The following RNF121 variants were observed in gnomAD, a reference collection of about 807,000 sequenced individuals.
The protein encoded by RNF121 is ring finger protein 121.
A neutral mutation model predicts 46.5 loss-of-function variants in RNF121; 21 were observed. The observed-to-expected ratio is 0.45, with a 90% confidence interval of 0.32 to 0.65. The LOEUF is 0.65. RNF121 is among the 30% of genes least tolerant of loss of function. The pLI is 0.04. For missense variants in RNF121, 346 were observed against 416.0 expected (o/e 0.83, Z 1.46); for synonymous variants, 139 against 144.7 (o/e 0.96, Z 0.28).
intron 3 of RNF121, among the ~76,000 whole-genome samples, chr11:71,977,669 G>A (rs1954555939): frequency 1.3e-5 from 2 of 152,188 alleles, no homozygotes; most frequent in African/African-American, 4.8e-5. Flanking sequence ...TGGCTTTTGT[G>A]TTTCTCCTTC....
In RNF121 at chr11:71,932,280, T is replaced by C. The variant is rs1032448886; in HGVS notation, c.63+3156T>C. Among the ~76,000 whole-genome samples, 9 of 152,228 alleles carry C rather than the reference T, an allele frequency of 5.9e-5. No homozygotes were observed. In the East Asian group the frequency reaches 1.7e-3, roughly 29 times the overall value. The stretch of plus-strand genomic sequence containing the variant: ...TCTCATTTATTATTAACAGTAGGCA[T>C]GTGAATTAGATGGAGTTAACCCCAT... On this transcript the variant is annotated intron_variant, in intron 1 of 8. Transcript: ENST00000361756.
At chr11:71,963,319 C>A (rs1954184274) in intron 3 of RNF121, among the ~76,000 whole-genome samples, 1 of 152,060 alleles carries the variant, frequency 6.6e-6, no homozygotes. Context: ...CTTATGTTTT[C>A]TTTGAAGAGT....
chr11:71,979,558 C>T (rs1954601791), intron 3 of RNF121, among the ~76,000 whole-genome samples: 1 of 152,186 alleles, frequency 6.6e-6, no homozygotes, highest in South Asian at 2.1e-4. Flanking sequence ...CAAAACAAAG[C>T]AAGATTTTTC....
chr11:71,950,609 AT>A (rs1423475172), intron 1 of RNF121, among the ~76,000 whole-genome samples: 1 of 151,896 alleles, frequency 6.6e-6, no homozygotes, highest in Non-Finnish European at 1.5e-5. Flanking sequence ...AATTGTTGAT[AT>A]GATTTGGTAG....
intron 1 of RNF121, among the ~76,000 whole-genome samples, chr11:71,934,883 A>T (rs979242291): frequency 5.9e-5 from 9 of 151,506 alleles, no homozygotes; most frequent in Non-Finnish European, 1.3e-4. Context: ...GCTGAGGGTG[A>T]AATAATACAG....
chr11:71,944,320 G>A (rs1050814705), intron 1 of RNF121, among the ~76,000 whole-genome samples: 3 of 152,050 alleles, frequency 2.0e-5, no homozygotes, highest in Non-Finnish European at 2.9e-5. Flanking sequence ...GCAACAGAGC[G>A]AGACTCTGTC....
At position 71,996,748 on chromosome 11, in the gene RNF121, G is replaced by A. The variant is rs897608317; in HGVS notation, c.*433G>A. Reference sequence around the variant, plus strand: ...CTTCCCTGTGTGGGGCTCAAGCCTGGTGCACTTAGTATAGAAGAGCTAACG... The same window carrying A: ...CTTCCCTGTGTGGGGCTCAAGCCTGATGCACTTAGTATAGAAGAGCTAACG... On this transcript the variant is annotated 3_prime_UTR_variant, in exon 9 of 9. Transcript: ENST00000361756. 16 of 184,380 alleles carry A rather than the reference G, an allele frequency of 8.7e-5. No homozygotes were observed. Among genetic ancestry groups the A allele is most frequent in the South Asian group, 2.8e-4 (3 of 10,740 alleles). The allele number at this position is 184,380 out of a possible 1,614,324, so 11.4% of individuals were successfully genotyped here.
intron 2 of RNF121, 33 bp downstream of exon 2, chr11:71,957,297 G>T (rs1266391928): frequency 5.0e-6 from 7 of 1,394,570 alleles, no homozygotes; most frequent in Middle Eastern, 1.8e-4. Flanking sequence ...TGCAGTCTAG[G>T]AACTGCAGGT....
At chr11:71,951,216 A>C (rs954116750) in intron 1 of RNF121, among the ~76,000 whole-genome samples, 2 of 151,734 alleles carry the variant, frequency 1.3e-5, no homozygotes, top group African/African-American at 4.8e-5. Context: ...TCTCAAAAAA[A>C]AAAAAATGCA....
At chr11:71,931,020 G>C (rs1353296380) in intron 1 of RNF121, among the ~76,000 whole-genome samples, 2 of 152,084 alleles carry the variant, frequency 1.3e-5, no homozygotes, top group Admixed American at 6.5e-5. Flanking sequence ...TTTTAGTAGA[G>C]ACAGGGTTTT....
chr11:71,968,888 C>CT (rs10686485), intron 3 of RNF121, among the ~76,000 whole-genome samples: 54,231 of 134,308 alleles, frequency 0.4, 12,477 homozygotes, highest in South Asian at 0.53. Context: ...TTCTTTCTTT[C>CT]TTTTTTTTTT....
At chr11:71,946,744 C>G (rs1953731296) in intron 1 of RNF121, among the ~76,000 whole-genome samples, 1 of 151,208 alleles carries the variant, frequency 6.6e-6, no homozygotes. Context: ...ACAGAATCTC[C>G]CTCTGTTACC....
At chr11:71,958,107 G>A (rs1233787324) in intron 2 of RNF121, among the ~76,000 whole-genome samples, 1 of 152,204 alleles carries the variant, frequency 6.6e-6, no homozygotes, top group African/African-American at 2.4e-5. Flanking sequence ...GAAATATGCT[G>A]TCTGCTGTAA....
chr11:71,991,378 T>C (rs1954860908), intron 6 of RNF121, among the ~76,000 whole-genome samples: 2 of 152,166 alleles, frequency 1.3e-5, no homozygotes, highest in Admixed American at 6.5e-5. Flanking sequence ...TCTAGACACA[T>C]AGCTATATGC....
At chr11:71,963,818 G>C (rs1342826557) in intron 3 of RNF121, among the ~76,000 whole-genome samples, 2 of 152,130 alleles carry the variant, frequency 1.3e-5, no homozygotes, top group Non-Finnish European at 2.9e-5. Context: ...GAAATCAATT[G>C]ATCAAAGATA....
chr11:71,947,507 G>A (rs1953755385), intron 1 of RNF121, among the ~76,000 whole-genome samples: 2 of 150,904 alleles, frequency 1.3e-5, no homozygotes, highest in African/African-American at 4.9e-5. Flanking sequence ...GAATTGGGCA[G>A]TGAAGGAGTG....
intron 3 of RNF121, among the ~76,000 whole-genome samples, chr11:71,964,332 C>T (rs1293276854): frequency 6.6e-6 from 1 of 152,098 alleles, no homozygotes; most frequent in African/African-American, 2.4e-5. Flanking sequence ...TATAGAATTT[C>T]AACTGATCGT....
At chr11:71,971,840 C>T (rs1954427804) in intron 3 of RNF121, among the ~76,000 whole-genome samples, 1 of 152,166 alleles carries the variant, frequency 6.6e-6, no homozygotes, top group Non-Finnish European at 1.5e-5. Flanking sequence ...GGGTATGGTA[C>T]AGGCATTGTG....
At chr11:71,945,358 G>A (rs1014525155) in intron 1 of RNF121, among the ~76,000 whole-genome samples, 77 of 152,114 alleles carry the variant, frequency 5.1e-4, no homozygotes, top group Non-Finnish European at 3.7e-4. Context: ...GCCAAAAGGA[G>A]TCACTTTTAA....
Sources: gnomAD v4.1 joint callset for allele counts (sites outside exome capture counted in the v4.1 genomes callset) on GRCh38, gnomAD v4.1.1 for gene constraint, MANE v1.5 for transcripts, NCBI Gene and HGNC (gene_info 2026-07-23, HGNC 2026-07-21) for gene names.